Variants in SLC1A7 observed in about 807,000 individuals in gnomAD.
SLC1A7 encodes excitatory amino acid transporter 5.
Under a neutral mutation model 47.7 loss-of-function variants are expected in SLC1A7, and 40 were observed. That is an observed-to-expected ratio of 0.84 (90% confidence interval 0.65 to 1.09). The LOEUF is 1.09. Ranked by LOEUF, SLC1A7 falls within the 50% of genes least tolerant of loss-of-function variation. The probability of loss-of-function intolerance (pLI) is 0.00; values close to 1 mark genes in which losing one functional copy is unlikely to be tolerated. For missense variants in SLC1A7, 746 were observed against 769.5 expected (o/e 0.97, Z 0.36); for synonymous variants, 323 against 325.6 (o/e 0.99, Z 0.09).
intron 2 of SLC1A7, 31 bp from the exon 3 acceptor site, chr1:53,115,004 T>G (rs1572330618): frequency 6.4e-7 from 1 of 1,567,014 alleles, no homozygotes; most frequent in South Asian, 1.1e-5. Context: ...GGGGCTGTGG[T>G]GGGGAGGCCA....
At chr1:53,095,960 G>A (rs561125317) in intron 5 of SLC1A7, among the ~76,000 whole-genome samples, 4 of 133,066 alleles carry the variant, frequency 3.0e-5, no homozygotes, top group South Asian at 2.5e-4. Context: ...ACACCACCTC[G>A]GTGCATTCAC....
intron 5 of SLC1A7, among the ~76,000 whole-genome samples, chr1:53,097,788 ACACACCGCCTCAG>A (rs1644515507): frequency 1.3e-5 from 2 of 150,500 alleles, no homozygotes; most frequent in African/African-American, 4.9e-5. Flanking sequence ...GTACACTCAC[ACACACCGCCTCAG>A]TACACTCACA....
chr1:53,119,718 T>C (rs998931888), intron 2 of SLC1A7, among the ~76,000 whole-genome samples: 1 of 152,182 alleles, frequency 6.6e-6, no homozygotes, highest in South Asian at 2.1e-4. Flanking sequence ...GTTCACAGCC[T>C]GCCCTTGGTA....
chr1:53,124,620 GC>G (rs1373894647), intron 2 of SLC1A7, among the ~76,000 whole-genome samples: 2 of 151,060 alleles, frequency 1.3e-5, no homozygotes, highest in African/African-American at 2.4e-5. Flanking sequence ...GTGGAATGGG[GC>G]CATAATGGGC....
intron 2 of SLC1A7, among the ~76,000 whole-genome samples, chr1:53,133,109 G>C (rs1644957654): frequency 6.6e-6 from 1 of 152,180 alleles, no homozygotes; most frequent in Non-Finnish European, 1.5e-5. Context: ...TGAGTCCATA[G>C]GGAAGGGCAT....
chr1:53,116,738 C>T (rs188259271), intron 2 of SLC1A7, among the ~76,000 whole-genome samples: 4 of 152,330 alleles, frequency 2.6e-5, no homozygotes, highest in African/African-American at 7.2e-5. Context: ...GCCATGTACC[C>T]GAGAGCAGGC....
chr1:53,112,661 C>T (rs780219622), intron 3 of SLC1A7, among the ~76,000 whole-genome samples: 1 of 152,202 alleles, frequency 6.6e-6, no homozygotes, highest in Non-Finnish European at 1.5e-5. Context: ...TGGTGCCTGA[C>T]TCATGTCCAA....
intron 1 of SLC1A7, among the ~76,000 whole-genome samples, chr1:53,141,872 G>A (rs1285947311): frequency 1.3e-5 from 2 of 152,116 alleles, no homozygotes; most frequent in Non-Finnish European, 2.9e-5. Flanking sequence ...GGGACCTATG[G>A]GCCTGCTGGC....
chr1:53,099,701 C>T (rs1644549617), intron 5 of SLC1A7, among the ~76,000 whole-genome samples: 1 of 125,158 alleles, frequency 8.0e-6, no homozygotes, highest in Non-Finnish European at 1.8e-5. Context: ...TCGGTACACT[C>T]ACACACACCA....
Position 53,092,410 on chromosome 1 carries a change from C to T in SLC1A7, c.1031+144G>A. Reference sequence around the variant, plus strand: ...AGTCCCCCACGTCAGTCTTGTTACCCCAGCACCAGCCGTCCCCGCATTTGT... The same window carrying T: ...AGTCCCCCACGTCAGTCTTGTTACCTCAGCACCAGCCGTCCCCGCATTTGT... On this transcript the variant is annotated intron_variant, in intron 7 of 10. Transcript: ENST00000371494. The T allele has an allele frequency of 6.0e-6, 4 of 667,994 alleles. No individual in the cohort carries two copies. The Admixed American group carries it at 7.1e-5, about 12-fold the overall frequency. 41.4% of individuals were successfully genotyped at this position (667,994 alleles called of 1,614,324 possible). A position where few individuals can be genotyped will look rare whatever the true frequency, so the allele number is the denominator to read the frequency against.
At chr1:53,127,410 C>G (rs1644894721) in intron 2 of SLC1A7, among the ~76,000 whole-genome samples, 1 of 152,154 alleles carries the variant, frequency 6.6e-6, no homozygotes, top group African/African-American at 2.4e-5. Context: ...CAACCCAAGC[C>G]GGCTCCAGGG....
chr1:53,135,936 A>G (rs562177299), intron 1 of SLC1A7, among the ~76,000 whole-genome samples: 2 of 151,848 alleles, frequency 1.3e-5, no homozygotes, highest in South Asian at 2.1e-4. Flanking sequence ...ATGCTTTAAA[A>G]ATCTCCAAAT....
chr1:53,110,358 C>T (rs4926586), intron 3 of SLC1A7, among the ~76,000 whole-genome samples: 1 of 152,048 alleles, frequency 6.6e-6, no homozygotes, highest in African/African-American at 2.4e-5. Context: ...CCTGTAGCCC[C>T]GCTCTCTGAC....
intron 2 of SLC1A7, among the ~76,000 whole-genome samples, chr1:53,133,383 GC>G (rs1173156612): frequency 6.6e-6 from 1 of 152,182 alleles, no homozygotes; most frequent in African/African-American, 2.4e-5. Flanking sequence ...GCTTGCAAAG[GC>G]CTCTGTGCAG....
rs750402828 is a variant in SLC1A7, at chr1:53,090,739, G to A, written c.1099C>T (p.Arg367Cys). Residue 367 changes from arginine to cysteine, a missense_variant, in exon 8 of 11, where the codon CGC (arginine) becomes TGC (cysteine). Transcript: ENST00000371494. ...GTGGCACCCACGGGCAGCACGAAGC[G>A]AGCGATGCGCCGGTCGATGTGGTTG... The part of the protein sequence containing the change: ...ENNHIDRRIA[R>C]FVLPVGATIN... 6.2e-6 allele frequency: 10 copies of A among 1,613,750 alleles called. No individual in the cohort carries two copies. The highest frequency in any genetic ancestry group is 1.1e-5 in the South Asian group (1 of 91,018).
intron 5 of SLC1A7, among the ~76,000 whole-genome samples, chr1:53,094,762 G>T (rs1439410147): frequency 3.9e-5 from 6 of 152,216 alleles, no homozygotes; most frequent in African/African-American, 1.4e-4. Context: ...ACCACGCACG[G>T]GCTTCCTGCC....
At chr1:53,096,707 CAG>C (rs1644496688) in intron 5 of SLC1A7, among the ~76,000 whole-genome samples, 1 of 151,346 alleles carries the variant, frequency 6.6e-6, no homozygotes, top group Admixed American at 6.6e-5. Context: ...CACTCACACA[CAG>C]TGCCTTGGTA....
At chr1:53,110,610 C>T (rs1363611133) in intron 3 of SLC1A7, among the ~76,000 whole-genome samples, 1 of 152,196 alleles carries the variant, frequency 6.6e-6, no homozygotes, top group East Asian at 1.9e-4. Context: ...AAGGAGGCAG[C>T]ACCGATACCT....
At chr1:53,123,601 C>T (rs1467484989) in intron 2 of SLC1A7, among the ~76,000 whole-genome samples, 1 of 152,210 alleles carries the variant, frequency 6.6e-6, no homozygotes, top group Non-Finnish European at 1.5e-5. Flanking sequence ...TGACTGAGCG[C>T]CAGAGCAGGG....
Sources: allele counts gnomAD v4.1 joint callset (sites outside exome capture counted in the v4.1 genomes callset), GRCh38; gene constraint gnomAD v4.1.1; transcripts MANE v1.5; gene names NCBI Gene and HGNC (gene_info 2026-07-23, HGNC 2026-07-21).